The following CASK variants were observed in gnomAD, a reference collection of about 807,000 sequenced individuals.
CASK encodes the protein peripheral plasma membrane protein CASK.
CASK carries 4 observed loss-of-function variants against 82.9 expected under a neutral mutation model. The ratio of observed to expected loss-of-function variants is 0.05; its 90% CI spans 0.02 to 0.11. The LOEUF is 0.11. Among genes scored for constraint, CASK ranks in the 10% least tolerant of loss-of-function variants. The pLI, the probability that CASK is intolerant of heterozygous loss-of-function variation, is 1.00. For synonymous variants in CASK, 259 were observed against 253.5 expected (o/e 1.02, Z -0.20); for missense variants, 358 against 720.9 (o/e 0.50, Z 5.76).
At chrX:41,619,109 C>T (rs887564088) in intron 11 of CASK, among the ~76,000 whole-genome samples, 15 of 110,890 alleles carry the variant, frequency 1.4e-4, no homozygotes, top group Admixed American at 6.7e-4. Flanking sequence ...GGATTACAGG[C>T]GTGATGCCTA....
chrX:41,769,898 T>C (rs2147790999), intron 3 of CASK, among the ~76,000 whole-genome samples: 1 of 111,535 alleles, frequency 9.0e-6, no homozygotes, highest in Non-Finnish European at 1.9e-5. Context: ...TGAGCTGTGA[T>C]TGAGCCACAG....
chrX:41,770,488 C>A (rs2069223979), intron 3 of CASK, among the ~76,000 whole-genome samples: 2 of 110,565 alleles, frequency 1.8e-5, no homozygotes, highest in South Asian at 7.6e-4. Context: ...CGGGTTCAAG[C>A]GATTCTCCTG....
chrX:41,672,840 C>T (rs748897835), intron 5 of CASK, among the ~76,000 whole-genome samples: 2 of 112,477 alleles, frequency 1.8e-5, no homozygotes, highest in Non-Finnish European at 3.8e-5. Flanking sequence ...CACAGCATGA[C>T]ACAAAGTAGC....
chrX:41,877,604 C>T (rs990880073), intron 1 of CASK, among the ~76,000 whole-genome samples: 2 of 111,682 alleles, frequency 1.8e-5, no homozygotes, highest in African/African-American at 6.5e-5. Flanking sequence ...GTTTGAAATA[C>T]TCATTACCCT....
intron 5 of CASK, among the ~76,000 whole-genome samples, chrX:41,683,861 A>G (rs1346356334): frequency 8.9e-6 from 1 of 112,083 alleles, no homozygotes; most frequent in Non-Finnish European, 1.9e-5. Flanking sequence ...TACCTACATT[A>G]TCAATAACAA....
chrX:41,706,413 T>A (rs986662874), intron 5 of CASK, among the ~76,000 whole-genome samples: 1 of 111,566 alleles, frequency 9.0e-6, no homozygotes, highest in Non-Finnish European at 1.9e-5. Flanking sequence ...TACCCCACCA[T>A]GCTAGACTAA....
intron 3 of CASK, among the ~76,000 whole-genome samples, chrX:41,775,039 C>T (rs2069325606): frequency 9.1e-6 from 1 of 109,565 alleles, no homozygotes; most frequent in African/African-American, 3.3e-5. Flanking sequence ...CAAATGGGAT[C>T]TAATTAAACT....
chrX:41,871,325 A>G (rs1401036886), intron 1 of CASK, among the ~76,000 whole-genome samples: 1 of 112,050 alleles, frequency 8.9e-6, no homozygotes, highest in Non-Finnish European at 1.9e-5. Context: ...CATAAACAGA[A>G]GGTAACCTTA....
intron 3 of CASK, among the ~76,000 whole-genome samples, chrX:41,746,309 C>A (rs1179268789): frequency 2.7e-5 from 3 of 111,242 alleles, no homozygotes. Flanking sequence ...TATTATCACT[C>A]CCTGAGTACA....
At position 41,923,031 on chromosome X, in the gene CASK, A is replaced by G; in HGVS notation, c.-43T>C. 4 of 1,151,557 alleles carry G rather than the reference A, an allele frequency of 3.5e-6. No homozygotes were observed. Among genetic ancestry groups the G allele is most frequent in the Non-Finnish European group, 4.7e-6 (4 of 842,586 alleles). 94.9% of individuals were successfully genotyped at this position (1,151,557 alleles called of 1,213,427 possible). A position where few individuals can be genotyped will look rare whatever the true frequency, so the allele number is the denominator to read the frequency against. ...GGCCGCAGCGTGGAGGGCTTCGAAA[A>G]CGGGGGTGGGGGCGCCCAAGAGCTC... On this transcript the variant is annotated 5_prime_UTR_variant, in exon 1 of 27. Transcript: ENST00000378163.
intron 2 of CASK, among the ~76,000 whole-genome samples, chrX:41,796,928 T>C (rs926228399): frequency 8.9e-6 from 1 of 111,898 alleles, no homozygotes; most frequent in Non-Finnish European, 1.9e-5. Context: ...TAAAGTGTCA[T>C]CATAGTTTTA....
intron 8 of CASK, among the ~76,000 whole-genome samples, chrX:41,658,639 A>C (rs1048016853): frequency 8.1e-5 from 9 of 111,306 alleles, no homozygotes; most frequent in Admixed American, 4.8e-4. Flanking sequence ...GAGGTGGGAG[A>C]GGGGAGATGA....
chrX:41,517,512 TC>T lies in CASK; in HGVS notation c.*2907del, dbSNP rs1454659789. On this transcript the variant is annotated 3_prime_UTR_variant, in exon 27 of 27. Coordinates refer to ENST00000378163, the MANE Select transcript of CASK (RefSeq NM_001367721.1). Reference sequence around the variant, plus strand: ...GTGACTGGAAAATCAGGACATTTCATCTTTTTAACAAAGAATTCAACATATA... The same window carrying T: ...GTGACTGGAAAATCAGGACATTTCATTTTTTAACAAAGAATTCAACATATA... 6.5e-5 allele frequency: 18 copies of T among 277,685 alleles called. No homozygotes were observed. Among genetic ancestry groups the T allele is most frequent in the Non-Finnish European group, 1.1e-4 (18 of 157,021 alleles). The allele number at this position is 277,685 out of a possible 1,213,427, so 22.9% of individuals were successfully genotyped here.
At chrX:41,543,442 C>T (rs950129879) in intron 21 of CASK, among the ~76,000 whole-genome samples, 1 of 111,589 alleles carries the variant, frequency 9.0e-6, no homozygotes, top group African/African-American at 3.3e-5. Context: ...AGTACAGTAC[C>T]AGGCACACAG....
chrX:41,754,448 TA>T (rs1169715785), intron 3 of CASK, among the ~76,000 whole-genome samples: 1 of 111,389 alleles, frequency 9.0e-6, no homozygotes, highest in African/African-American at 3.3e-5. Context: ...TCTACCTGTA[TA>T]AGTTACATAA....
intron 22 of CASK, among the ~76,000 whole-genome samples, chrX:41,536,465 A>G (rs2064875482): frequency 9.0e-6 from 1 of 111,273 alleles, no homozygotes; most frequent in East Asian, 2.8e-4. Context: ...TCCTAGAAAC[A>G]CTATGGCCAA....
chrX:41,652,773 C>T (rs1008179663), intron 8 of CASK, among the ~76,000 whole-genome samples: 1 of 112,440 alleles, frequency 8.9e-6, no homozygotes, highest in African/African-American at 3.2e-5. Flanking sequence ...CACCCCTATA[C>T]CTCCATCAAT....
chrX:41,917,406 G>A (rs2072711723), intron 1 of CASK, among the ~76,000 whole-genome samples: 2 of 112,341 alleles, frequency 1.8e-5, no homozygotes, highest in Non-Finnish European at 3.8e-5. Flanking sequence ...TTTAAATGCA[G>A]TGCTCCTACC....
intron 1 of CASK, among the ~76,000 whole-genome samples, chrX:41,913,463 C>G (rs772802336): frequency 5.2e-4 from 58 of 112,172 alleles, no homozygotes; most frequent in Non-Finnish European, 9.2e-4. Context: ...AAAGTATATA[C>G]CATTAACCAC....
Sources: gnomAD v4.1 joint callset for allele counts (sites outside exome capture counted in the v4.1 genomes callset) on GRCh38, gnomAD v4.1.1 for gene constraint, MANE v1.5 for transcripts, NCBI Gene and HGNC (gene_info 2026-07-23, HGNC 2026-07-21) for gene names.